BRD10: variants seen among roughly 807,000 people sequenced by gnomAD.
BRD10 encodes the protein bromodomain containing 10.
At chr9:5,968,367 C>A in the BRD10 span, 1 of 1,610,736 alleles carries the variant, frequency 6.2e-7, no homozygotes, top group Non-Finnish European at 8.5e-7. Context: ...ATTCTGGAAG[C>A]TTCACCGTAT....
the BRD10 span, among the ~76,000 whole-genome samples, chr9:5,963,621 A>C: frequency 6.6e-6 from 1 of 152,100 alleles, no homozygotes; most frequent in Non-Finnish European, 1.5e-5. Context: ...CAAAAGAACA[A>C]AGCTGGAGGC....
chr9:5,951,662 A>G, the BRD10 span, among the ~76,000 whole-genome samples: 1 of 152,206 alleles, frequency 6.6e-6, no homozygotes. Context: ...TCACTTTATT[A>G]TATAATAGTC....
At chr9:5,929,486 T>G in the BRD10 span, among the ~76,000 whole-genome samples, 1 of 152,166 alleles carries the variant, frequency 6.6e-6, no homozygotes, top group African/African-American at 2.4e-5. Flanking sequence ...ATAAATTCAT[T>G]AAGTAAGTAT....
the BRD10 span, among the ~76,000 whole-genome samples, chr9:5,948,886 C>G: frequency 5.1e-4 from 77 of 152,156 alleles, no homozygotes; most frequent in African/African-American, 1.8e-3. Flanking sequence ...TCTGCTAAAA[C>G]TATGCAGATG....
At chr9:5,969,293 A>G in the BRD10 span, 1 of 1,613,916 alleles carries the variant, frequency 6.2e-7, no homozygotes, top group African/African-American at 1.3e-5. Context: ...TTGCTGAGCT[A>G]AACAAAGGAA....
chr9:5,969,028 A>G, the BRD10 span: 2 of 1,611,694 alleles, frequency 1.2e-6, no homozygotes, highest in Non-Finnish European at 1.7e-6. Flanking sequence ...TAAAAAACTG[A>G]GGACACAACC....
At chr9:5,914,275 G>C in the BRD10 span, among the ~76,000 whole-genome samples, 6 of 151,820 alleles carry the variant, frequency 4.0e-5, no homozygotes, top group African/African-American at 1.2e-4. Flanking sequence ...ATATACTGGA[G>C]GACACCTGAC....
the BRD10 span, among the ~76,000 whole-genome samples, chr9:5,945,199 C>CG: frequency 7.2e-5 from 11 of 152,138 alleles, no homozygotes; most frequent in Admixed American, 2.6e-4. Context: ...TCCCACATCC[C>CG]CACCTTTCAG....
At chr9:5,979,350 C>T in the BRD10 span, among the ~76,000 whole-genome samples, 14 of 152,078 alleles carry the variant, frequency 9.2e-5, no homozygotes, top group African/African-American at 2.4e-4. Flanking sequence ...CTCGTCTTTA[C>T]GAAAAATGTA....
chr9:5,972,951 A>C, the BRD10 span, among the ~76,000 whole-genome samples: 3 of 152,186 alleles, frequency 2.0e-5, no homozygotes, highest in East Asian at 5.8e-4. Context: ...ACAAAAAGAT[A>C]TTTTCAGACC....
the BRD10 span, among the ~76,000 whole-genome samples, chr9:5,932,003 CA>C: frequency 1.3e-5 from 2 of 152,096 alleles, no homozygotes; most frequent in Non-Finnish European, 2.9e-5. Context: ...CTTATAACCC[CA>C]ATCAAATTAA....
the BRD10 span, among the ~76,000 whole-genome samples, chr9:5,984,076 T>C: frequency 6.6e-6 from 1 of 151,630 alleles, no homozygotes; most frequent in Middle Eastern, 3.4e-3. Flanking sequence ...TCAGAATTCA[T>C]TGTTGGCAGA....
the BRD10 span, among the ~76,000 whole-genome samples, chr9:5,884,186 C>T: frequency 2.0e-5 from 3 of 152,208 alleles, no homozygotes; most frequent in African/African-American, 7.2e-5. Context: ...ACAATGTTTT[C>T]ACACACAACA....
chr9:5,996,647 A>T, the BRD10 span, among the ~76,000 whole-genome samples: 1 of 152,160 alleles, frequency 6.6e-6, no homozygotes, highest in Admixed American at 6.5e-5. Context: ...ACTAATTTTT[A>T]AAAAATCGTT....
chr9:5,950,007 T>A, the BRD10 span, among the ~76,000 whole-genome samples: 1 of 152,194 alleles, frequency 6.6e-6, no homozygotes, highest in South Asian at 2.1e-4. Context: ...TCTATAATTA[T>A]CACTAAAAAA....
chr9:5,880,270 T>A, the BRD10 span, among the ~76,000 whole-genome samples: 7 of 151,386 alleles, frequency 4.6e-5, no homozygotes, highest in South Asian at 1.3e-3. Flanking sequence ...TCCCAGCACT[T>A]TGGGAGGCTG....
the BRD10 span, among the ~76,000 whole-genome samples, chr9:5,925,184 C>T: frequency 1.3e-5 from 2 of 151,884 alleles, no homozygotes; most frequent in African/African-American, 2.4e-5. Flanking sequence ...CACGGTGAAG[C>T]CCTGTCTCTA....
chr9:5,957,375 T>G, the BRD10 span, among the ~76,000 whole-genome samples: 6 of 152,158 alleles, frequency 3.9e-5, no homozygotes, highest in African/African-American at 7.2e-5. Context: ...AGTTACCATT[T>G]ATTGATTCCT....
chr9:5,923,313 A>T, the BRD10 span: 3 of 1,574,964 alleles, frequency 1.9e-6, no homozygotes, highest in South Asian at 1.2e-5. Flanking sequence ...ATATCATCTG[A>T]AAATTATAAA....
Sources: allele counts gnomAD v4.1 joint callset (sites outside exome capture counted in the v4.1 genomes callset), GRCh38; gene constraint gnomAD v4.1.1; transcripts MANE v1.5; gene names NCBI Gene and HGNC (gene_info 2026-07-23, HGNC 2026-07-21).